The following VPS13B variants were observed in gnomAD, a reference collection of about 807,000 sequenced individuals.
The protein encoded by VPS13B is vacuolar protein sorting 13 homolog B, also known as intermembrane lipid transfer protein VPS13B.
Under a neutral mutation model 426.4 loss-of-function variants are expected in VPS13B, and 285 were observed. The observed-to-expected ratio is 0.67, with a 90% CI of 0.61 to 0.74. The LOEUF (loss-of-function observed/expected upper bound fraction) is 0.74. Ranked by LOEUF, VPS13B falls within the 30% of genes least tolerant of loss-of-function variation. VPS13B has a pLI of 0.00. For missense variants in VPS13B, 4,537 were observed against 4,782.6 expected, an observed-to-expected ratio of 0.95 and a Z score of 1.51; for synonymous variants, 1,676 against 1,676.4, an observed-to-expected ratio of 1.00 and a Z score of 0.01.
chr8:99,504,246 A>G (rs914840385), intron 27 of VPS13B, among the ~76,000 whole-genome samples: 2 of 152,130 alleles, frequency 1.3e-5, no homozygotes, highest in African/African-American at 4.8e-5. Flanking sequence ...TCCATGAGTA[A>G]AAGCTTCCCA....
At chr8:99,587,124 C>A (rs1826344559) in intron 33 of VPS13B, among the ~76,000 whole-genome samples, 1 of 152,176 alleles carries the variant, frequency 6.6e-6, no homozygotes, top group Non-Finnish European at 1.5e-5. Flanking sequence ...TTTCCAGCTT[C>A]ATCCATGTTG....
intron 17 of VPS13B, among the ~76,000 whole-genome samples, chr8:99,267,970 AG>A (rs771453984): frequency 6.6e-6 from 1 of 152,052 alleles, no homozygotes; most frequent in Non-Finnish European, 1.5e-5. Context: ...GTGCAGCCTT[AG>A]TACTCTGTCC....
chr8:99,305,765 G>A (rs1820606007), intron 19 of VPS13B, among the ~76,000 whole-genome samples: 1 of 152,046 alleles, frequency 6.6e-6, no homozygotes, highest in African/African-American at 2.4e-5. Flanking sequence ...GGGAGATGAT[G>A]GGAATTAATT....
At chr8:99,181,575 A>G (rs1434743803) in intron 16 of VPS13B, among the ~76,000 whole-genome samples, 3 of 152,204 alleles carry the variant, frequency 2.0e-5, no homozygotes, top group African/African-American at 7.2e-5. Context: ...GGCTTAAATG[A>G]GTTAACAAAT....
intron 33 of VPS13B, among the ~76,000 whole-genome samples, chr8:99,630,886 A>T (rs1434493850): frequency 6.6e-6 from 1 of 152,118 alleles, no homozygotes; most frequent in African/African-American, 2.4e-5. Flanking sequence ...GTGAGAAAGT[A>T]AAAAGGAAAC....
At position 99,481,650 on chromosome 8, in the gene VPS13B, A is replaced by T; in HGVS notation, c.3718A>T (p.Ile1240Phe). The change falls in exon 25 of 62, where the codon ATT becomes TTT. Residue 1240 changes from isoleucine (I) to phenylalanine (F), a missense_variant. Transcript: ENST00000357162. ...TATCATGAATAAGGTCTGGAACAAG[A>T]TTCAGAAGAGAGGCAATCTCAACCT... ...TDIMNKVWNKIQKRGNLNLSP... is the reference protein window; with the variant it reads ...TDIMNKVWNKFQKRGNLNLSP... 1 of 1,614,004 alleles carries T rather than the reference A, an allele frequency of 6.2e-7. No individual in the cohort carries two copies. The highest frequency in any genetic ancestry group is 8.5e-7 in the Non-Finnish European group (1 of 1,179,906).
chr8:99,292,540 G>T (rs1296038092), intron 19 of VPS13B, among the ~76,000 whole-genome samples: 1 of 152,028 alleles, frequency 6.6e-6, no homozygotes. Flanking sequence ...GATTATAGTC[G>T]CTGAAGTAAG....
chr8:99,662,740 T>C (rs910227175), intron 35 of VPS13B, among the ~76,000 whole-genome samples: 1 of 137,926 alleles, frequency 7.3e-6, no homozygotes, highest in Admixed American at 7.2e-5. Flanking sequence ...GAACCACTGC[T>C]CCTGGCCATT....
chr8:99,078,077 AT>A (rs958447998), intron 3 of VPS13B, among the ~76,000 whole-genome samples: 5 of 150,104 alleles, frequency 3.3e-5, no homozygotes, highest in Admixed American at 6.7e-5. Context: ...TGATTCATGA[AT>A]TTTTTTTTAT....
intron 19 of VPS13B, among the ~76,000 whole-genome samples, chr8:99,320,411 A>C (rs528751670): frequency 1.3e-5 from 2 of 152,146 alleles, no homozygotes; most frequent in South Asian, 4.1e-4. Context: ...CCTCTTCTTC[A>C]ATTTTCTTTT....
chr8:99,399,688 A>G (rs1327718255), intron 21 of VPS13B, among the ~76,000 whole-genome samples: 2 of 152,168 alleles, frequency 1.3e-5, no homozygotes, highest in East Asian at 1.9e-4. Flanking sequence ...AATTTCTTGC[A>G]TTGCTAGTGT....
At chr8:99,135,838 T>A in intron 11 of VPS13B, 105 bp downstream of exon 11, 1 of 1,463,378 alleles carries the variant, frequency 6.8e-7, no homozygotes. Flanking sequence ...GCCTTCTGAA[T>A]GCTAATTGTT....
Position 99,209,859 on chromosome 8 carries a change from C to G in VPS13B, c.2515+16802C>G, listed in dbSNP as rs983982535. The G allele has an allele frequency of 3.4e-4, 191 of 558,144 alleles. 1 individual carries two copies. The highest frequency in any genetic ancestry group is 4.2e-4 in the Non-Finnish European group (186 of 440,744). 34.6% of individuals were successfully genotyped at this position (558,144 alleles called of 1,614,324 possible). Reference sequence around the variant, plus strand: ...GTTTTCAAATACTTCAGTTACAGAACTTAAAGTTTATAATGTATACTAAAT... The same window carrying G: ...GTTTTCAAATACTTCAGTTACAGAAGTTAAAGTTTATAATGTATACTAAAT... On this transcript the variant is annotated intron_variant, in intron 17 of 61. Transcript: ENST00000357162.
At chr8:99,623,685 G>T (rs1368113476) in intron 33 of VPS13B, among the ~76,000 whole-genome samples, 2 of 152,172 alleles carry the variant, frequency 1.3e-5, no homozygotes, top group Non-Finnish European at 2.9e-5. Context: ...ACTACAGATA[G>T]AAGTGGTAGA....
rs567165775 is a variant in VPS13B, at chr8:99,725,292, G to A, written c.7050+4245G>A. 3.9e-4 allele frequency among the ~76,000 whole-genome samples: 60 copies of A among 152,308 alleles called. No individual in the cohort carries two copies. In the South Asian group the frequency reaches 0.012, roughly 30 times the overall value. Reference sequence around the variant, plus strand: ...ATGTCCTTTACAGCAGGGTCCCCCAGCCCATGGCCTGTTAGGAACCAGGCC... The same window carrying A: ...ATGTCCTTTACAGCAGGGTCCCCCAACCCATGGCCTGTTAGGAACCAGGCC... On this transcript the variant is annotated intron_variant, in intron 39 of 61. Transcript: ENST00000357162.
At chr8:99,273,189 T>A (rs923270522) in intron 17 of VPS13B, among the ~76,000 whole-genome samples, 3 of 148,962 alleles carry the variant, frequency 2.0e-5, no homozygotes, top group Admixed American at 1.3e-4. Flanking sequence ...AGATGGAGTC[T>A]CTCTCTGTCG....
chr8:99,868,198 T>A, intron 58 of VPS13B, 91 bp from the exon 59 acceptor site: 1 of 1,551,778 alleles, frequency 6.4e-7, no homozygotes. Flanking sequence ...GGACTCATTT[T>A]CAATCCAGAT....
intron 33 of VPS13B, among the ~76,000 whole-genome samples, chr8:99,625,062 T>G (rs369256286): frequency 8.5e-5 from 13 of 152,070 alleles, no homozygotes; most frequent in East Asian, 3.9e-4. Flanking sequence ...CAACCTCAGG[T>G]GATCCACCCG....
In VPS13B at chr8:99,642,590, G is replaced by A. The variant is rs527887317; in HGVS notation, c.5908+92G>A. On this transcript the variant is annotated intron_variant, in intron 34 of 61. Coordinates refer to ENST00000357162, the MANE Select transcript of VPS13B (RefSeq NM_152564.5). ...CCAGATTGATTAAACAGAAACAGCT[G>A]GCAGACAAAAGTCTTTTCTCTACAG... 45 of 1,182,114 alleles carry A rather than the reference G, an allele frequency of 3.8e-5. No homozygotes were observed. In the South Asian group the frequency reaches 5.9e-4, roughly 16 times the overall value. 73.2% of individuals were successfully genotyped at this position (1,182,114 alleles called of 1,614,324 possible).
Sources: allele counts gnomAD v4.1 joint callset (sites outside exome capture counted in the v4.1 genomes callset), GRCh38; gene constraint gnomAD v4.1.1; transcripts MANE v1.5; gene names NCBI Gene and HGNC (gene_info 2026-07-23, HGNC 2026-07-21).